Variants in TCTN1 observed in about 807,000 individuals in gnomAD.
TCTN1 encodes tectonic family member 1.
A neutral mutation model predicts 65.8 loss-of-function variants in TCTN1; 58 were observed. The observed-to-expected ratio is 0.88, with a 90% CI of 0.71 to 1.10. The LOEUF (loss-of-function observed/expected upper bound fraction) is 1.10, where lower values mean the gene tolerates loss of function less well. Among genes scored for constraint, TCTN1 ranks in the 50% least tolerant of loss-of-function variants. TCTN1 has a pLI of 0.00. For synonymous variants in TCTN1, 273 were observed against 289.1 expected, an observed-to-expected ratio of 0.94 and a Z score of 0.57; for missense variants, 645 against 719.4, an observed-to-expected ratio of 0.90 and a Z score of 1.18.
In TCTN1 at chr12:110,641,623, A is replaced by G. The variant is rs1191901932; in HGVS notation, c.1186A>G (p.Lys396Glu). The change falls in exon 10 of 15, where the codon AAG becomes GAG. Residue 396 changes from lysine to glutamate, a missense_variant. Coordinates refer to ENST00000397659, the MANE Select transcript of TCTN1 (RefSeq NM_001082538.3). ...ATTAGCTGCTGGATTCCAGCCTCATAAGGGATATCCTTTTTGGTTCTGTAG... is the reference window on the plus strand; with the variant it reads ...ATTAGCTGCTGGATTCCAGCCTCATGAGGGATATCCTTTTTGGTTCTGTAG... ...LPLAAGFQPH[K>E]GSGIIQTTNR... is the part of the protein sequence containing the mutation. 2 of 1,614,002 alleles carry G rather than the reference A, an allele frequency of 1.2e-6. No homozygotes were observed. Among genetic ancestry groups the G allele is most frequent in the Non-Finnish European group, 1.7e-6 (2 of 1,179,856 alleles).
rs986629764 is a variant in TCTN1 at position 110,620,331 on chromosome 12, CCGGGAGG to C, written c.341+377_341+383del. Reference sequence around the variant, plus strand: ...GCTGAGGCAGGAGAATGGCGTGAACCCGGGAGGCAGAGCTTGCAGTGAGTGGAGATTG... The same window carrying C: ...GCTGAGGCAGGAGAATGGCGTGAACCCAGAGCTTGCAGTGAGTGGAGATTG... On this transcript the variant is annotated intron_variant, in intron 2 of 14. Transcript: ENST00000397659. Among the ~76,000 whole-genome samples the C allele has an allele frequency of 7.9e-5, 12 of 152,092 alleles. 1 individual carries two copies. In the South Asian group the frequency reaches 1.7e-3, roughly 21 times the overall value.
intron 2 of TCTN1, among the ~76,000 whole-genome samples, chr12:110,620,524 A>G (rs1196678380): frequency 1.3e-5 from 2 of 152,184 alleles, no homozygotes; most frequent in African/African-American, 4.8e-5. Context: ...TTGAAGATTG[A>G]ATTACATTTC....
chr12:110,640,982 T>C lies in TCTN1; in HGVS notation c.979-42T>C, dbSNP rs752963778. 1 of 1,613,800 alleles carries C rather than the reference T, an allele frequency of 6.2e-7. No homozygotes were observed. The highest frequency in any genetic ancestry group is 2.2e-5 in the East Asian group (1 of 44,892). ...TCAGTTATTCATACAGCTTCTGAAA[T>C]GTAATGGAACAGGTATATTTGGAGT... On this transcript the variant is annotated intron_variant, in intron 8 of 14. Transcript: ENST00000397659. This position sits in a 1 kb window ranked among gnomAD's most constrained non-coding sequence, Gnocchi z 4.9.
rs1287449773 is a variant in TCTN1, at chr12:110,647,268, T to C, written c.1567T>C (p.Ser523Pro). 6.2e-7 allele frequency: 1 copy of C among 1,614,090 alleles called. No homozygotes were observed. The highest frequency in any genetic ancestry group is 1.3e-5 in the African/African-American group (1 of 74,930). Residue 523 changes from serine (S) to proline (P), a missense_variant, in exon 13 of 15, where the codon TCC becomes CCC. Physicochemically the swap from Ser to Pro is moderately conservative, Grantham distance 74. Transcript: ENST00000397659. ...AGAAGTGAAGTGGACTAAATACGGATCCCTGCTGAATCCACAGGCCAAAAT... is the reference window on the plus strand; with the variant it reads ...AGAAGTGAAGTGGACTAAATACGGACCCCTGCTGAATCCACAGGCCAAAAT... ...VIEVKWTKYG[S>P]LLNPQAKIVN... is the part of the protein sequence containing the mutation.
chr12:110,634,388 C>T (rs1366189084), intron 5 of TCTN1: 8 of 488,974 alleles, frequency 1.6e-5, no homozygotes, highest in Admixed American at 1.6e-4. Flanking sequence ...TAATTTAAAA[C>T]ATTGTAGGCC....
rs1275375836 is a variant in TCTN1 at position 110,614,207 on chromosome 12, C to CTCCT, written c.26_29dup (p.Val11ProfsTer72). ...GATGAGGCCGCGAGGTCTCCCGCCGCTCCTGGTGGTGCTCCTGGGCTGCTG... is the reference window on the plus strand; with the variant it reads ...GATGAGGCCGCGAGGTCTCCCGCCGCTCCTTCCTGGTGGTGCTCCTGGGCTGCTG... On this transcript the variant is annotated frameshift_variant, in exon 1 of 15. Transcript: ENST00000397659. LOFTEE classifies it high-confidence loss of function. 8.9e-6 allele frequency: 14 copies of CTCCT among 1,578,200 alleles called. No individual in the cohort carries two copies. In the South Asian group the frequency reaches 1.4e-4, roughly 16 times the overall value.
chr12:110,621,097 G>T (rs1393957096), intron 2 of TCTN1, among the ~76,000 whole-genome samples: 1 of 152,146 alleles, frequency 6.6e-6, no homozygotes. Context: ...AAGCCAACGC[G>T]CCCAGCTTCA....
chr12:110,643,744 G>A (rs75118465), intron 11 of TCTN1: 13,999 of 152,110 alleles, frequency 0.092, 929 homozygotes, highest in Non-Finnish European at 0.14. Flanking sequence ...GCGTGATCAG[G>A]CTCACTGCAG....
At chr12:110,624,345 T>C (rs1418177281) in intron 2 of TCTN1, among the ~76,000 whole-genome samples, 2 of 151,278 alleles carry the variant, frequency 1.3e-5, no homozygotes, top group African/African-American at 4.9e-5. Flanking sequence ...TCCCAAGTAG[T>C]TAGTACTACA....
chr12:110,640,510 T>C lies in TCTN1; in HGVS notation c.971T>C (p.Val324Ala). The change falls in exon 8 of 15, where the codon GTT becomes GCT. Residue 324 changes from valine to alanine, a missense_variant. Physicochemically the swap from Val to Ala is moderately conservative, Grantham distance 64. Transcript: ENST00000397659. The surrounding 1 kb of genome is among the most constrained non-coding windows in gnomAD (Gnocchi z 4.9). ...AGHFSLCVNV[V>A]LEVKYSLTYT... The stretch of plus-strand genomic sequence containing the variant: ...CACTTTAGCCTTTGCGTGAATGTTG[T>C]TCTTGAGGTAGGTGCCGAGTTTGGC... 6.2e-7 allele frequency: 1 copy of C among 1,614,204 alleles called. No homozygotes were observed.
At chr12:110,627,128 C>G (rs1238494609) in intron 3 of TCTN1, among the ~76,000 whole-genome samples, 1 of 139,900 alleles carries the variant, frequency 7.1e-6, no homozygotes. Flanking sequence ...GGCAGAGTCT[C>G]ACTCTGTTGC....
intron 4 of TCTN1, chr12:110,630,169 C>G (rs1170385904): frequency 6.6e-6 from 1 of 152,090 alleles, no homozygotes; most frequent in African/African-American, 2.4e-5. Context: ...CACGTGTATA[C>G]CTACGTAACA....
At chr12:110,642,202 C>T in intron 10 of TCTN1, 47 bp from the exon 11 acceptor site, 2 of 1,613,236 alleles carry the variant, frequency 1.2e-6, no homozygotes, top group Non-Finnish European at 1.7e-6. Flanking sequence ...TACCTGAGAA[C>T]CAGGCTGCTC....
chr12:110,647,949 C>G, intron 14 of TCTN1, 56 bp downstream of exon 14: 1 of 1,608,676 alleles, frequency 6.2e-7, no homozygotes, highest in Non-Finnish European at 8.5e-7. Flanking sequence ...AAAGTGTGCA[C>G]GTGGGGCTAG....
At chr12:110,615,773 T>G (rs2064995801) in intron 1 of TCTN1, among the ~76,000 whole-genome samples, 2 of 152,188 alleles carry the variant, frequency 1.3e-5, no homozygotes, top group African/African-American at 4.8e-5. Context: ...TGTAAACAAC[T>G]GTGCCCAGCC....
Position 110,614,310 on chromosome 12 carries a change from C to T in TCTN1, c.128C>T (p.Ala43Val). The T allele has an allele frequency of 6.2e-7, 1 of 1,602,808 alleles. No homozygotes were observed. The highest frequency in any genetic ancestry group is 8.5e-7 in the Non-Finnish European group (1 of 1,175,516). ...EGLNSTEAAL[A>V]TFGTFPSTRP... ...CTCAACTCCACCGAGGCAGCCCTGG[C>T]CACCTTCGGAACTTTCCCGTCGACC... Residue 43 changes from alanine to valine, a missense_variant, in exon 1 of 15, where the codon GCC becomes GTC. Transcript: ENST00000397659.
intron 6 of TCTN1, among the ~76,000 whole-genome samples, chr12:110,635,387 G>C (rs1200266099): frequency 1.3e-5 from 2 of 152,186 alleles, no homozygotes; most frequent in Non-Finnish European, 2.9e-5. Flanking sequence ...GCTGAGGCAG[G>C]AGGATCACTT....
rs1483917930 is a variant in TCTN1, at chr12:110,628,889, C to A, written c.595C>A (p.Leu199Met). 6.2e-7 allele frequency: 1 copy of A among 1,613,694 alleles called. No homozygotes were observed. The highest frequency in any genetic ancestry group is 8.5e-7 in the Non-Finnish European group (1 of 1,179,940). Residue 199 changes from leucine (L) to methionine (M), a missense_variant, in exon 4 of 15, where the codon CTG becomes ATG. Transcript: ENST00000397659. ...AESYVSFTTK[L>M]DIPTAAKYEY... ...ATCATATGTTTCCTTCACAACCAAACTGGATATTCCTACTGCTGCTAAATA... is the reference window on the plus strand; with the variant it reads ...ATCATATGTTTCCTTCACAACCAAAATGGATATTCCTACTGCTGCTAAATA...
At chr12:110,617,564 G>A (rs901233514) in intron 1 of TCTN1, among the ~76,000 whole-genome samples, 1 of 150,982 alleles carries the variant, frequency 6.6e-6, no homozygotes, top group Admixed American at 6.6e-5. Context: ...TAACCTCAGG[G>A]GATCCACTCT....
Sources: allele counts gnomAD v4.1 joint callset (sites outside exome capture counted in the v4.1 genomes callset), GRCh38; gene constraint gnomAD v4.1.1; non-coding constraint Gnocchi (gnomAD v3.1); transcripts MANE v1.5; gene names NCBI Gene and HGNC (gene_info 2026-07-23, HGNC 2026-07-21).